ABHD5: variants seen among roughly 807,000 people sequenced by gnomAD.
ABHD5 encodes abhydrolase domain containing 5, lysophosphatidic acid acyltransferase.
ABHD5 carries 30 observed loss-of-function variants against 44.9 expected under a neutral mutation model. The ratio of observed to expected loss-of-function variants is 0.67; its 90% CI spans 0.50 to 0.91. The LOEUF (loss-of-function observed/expected upper bound fraction) is 0.91. Ranked by LOEUF, ABHD5 falls within the 40% of genes least tolerant of loss-of-function variation. ABHD5 has a pLI of 0.00. For missense variants in ABHD5, 399 were observed against 423.4 expected (o/e 0.94, Z 0.50); for synonymous variants, 167 against 147.0 (o/e 1.14, Z -0.99).
intron 5 of ABHD5, among the ~76,000 whole-genome samples, chr3:43,715,999 T>C (rs2084757639): frequency 6.6e-6 from 1 of 152,116 alleles, no homozygotes; most frequent in South Asian, 2.1e-4. Context: ...TCTGCATGTA[T>C]TTTGACAGTG....
rs555806468 is a variant in ABHD5, at chr3:43,721,498, A to G, written c.*2966A>G. ...TCCCAGCATTTTGGGAGGCTGAGGC[A>G]GAAGGACTGCTTGAGACCAGGAATT... On this transcript the variant is annotated 3_prime_UTR_variant, in exon 7 of 7. Coordinates refer to ENST00000644371, the MANE Select transcript of ABHD5 (RefSeq NM_016006.6). The G allele has an allele frequency of 1.3e-5, 2 of 151,740 alleles. No homozygotes were observed. The highest frequency in any genetic ancestry group is 4.8e-5 in the African/African-American group (2 of 41,366). 9.4% of individuals were successfully genotyped at this position (151,740 alleles called of 1,614,324 possible). A position where few individuals can be genotyped will look rare whatever the true frequency, so the allele number is the denominator to read the frequency against.
At chr3:43,711,044 T>A (rs1184571712) in intron 3 of ABHD5, among the ~76,000 whole-genome samples, 1 of 152,222 alleles carries the variant, frequency 6.6e-6, no homozygotes, top group Non-Finnish European at 1.5e-5. Context: ...GGGAAAGAAT[T>A]GAAAACAGAA....
At chr3:43,723,000 A>G (rs1000938229), downstream of ABHD5, among the ~76,000 whole-genome samples, 8 of 152,192 alleles carry the variant, frequency 5.3e-5, 1 homozygote, top group Admixed American at 3.9e-4. Context: ...AAATGGGGGC[A>G]GGCAAAGGAC....
chr3:43,696,344 G>T (rs534240885), intron 1 of ABHD5, among the ~76,000 whole-genome samples: 29 of 152,192 alleles, frequency 1.9e-4, no homozygotes, highest in Non-Finnish European at 3.5e-4. Flanking sequence ...TAGGTGGGCT[G>T]TGTGAATTTA....
intron 5 of ABHD5, among the ~76,000 whole-genome samples, chr3:43,716,651 T>A (rs1306741206): frequency 6.6e-6 from 1 of 152,170 alleles, no homozygotes; most frequent in African/African-American, 2.4e-5. Context: ...GTTTTGTGAA[T>A]TGCTAGGCAG....
At position 43,721,245 on chromosome 3, in the gene ABHD5, A is replaced by AT. The variant is rs1253128018; in HGVS notation, c.*2713_*2714insT. On this transcript the variant is annotated 3_prime_UTR_variant, in exon 7 of 7. Coordinates refer to ENST00000644371, the MANE Select transcript of ABHD5 (RefSeq NM_016006.6). The stretch of plus-strand genomic sequence containing the variant: ...GAAGTGTGGTTAACCATTTGGAAAA[A>AT]AAAATAAAATTGAATCGATTTCTCA... 2.6e-5 allele frequency: 4 copies of AT among 152,174 alleles called. No individual in the cohort carries two copies. Among genetic ancestry groups the AT allele is most frequent in the Non-Finnish European group, 5.9e-5 (4 of 68,024 alleles). The allele number at this position is 152,174 out of a possible 1,614,324, so 9.4% of individuals were successfully genotyped here.
chr3:43,703,416 T>C (rs2084570167), intron 3 of ABHD5, among the ~76,000 whole-genome samples: 1 of 152,132 alleles, frequency 6.6e-6, no homozygotes, highest in South Asian at 2.1e-4. Flanking sequence ...TGACCTCAAG[T>C]GATCCACCCC....
At position 43,715,369 on chromosome 3, in the gene ABHD5, G is replaced by C. The variant is rs142611509; in HGVS notation, c.773+311G>C. On this transcript the variant is annotated intron_variant, in intron 5 of 6. Coordinates refer to ENST00000644371, the MANE Select transcript of ABHD5 (RefSeq NM_016006.6). ...GTAGAGACGGGGTTTCTCCATGTTG[G>C]TCAGGCTGGTCTTGAACTTCTGACC... Among the ~76,000 whole-genome samples the C allele has an allele frequency of 2.6e-3, 396 of 152,144 alleles. 2 individuals are homozygous for C. Among genetic ancestry groups the C allele is most frequent in the African/African-American group, 9.3e-3 (386 of 41,496 alleles).
chr3:43,700,410 A>G (rs2084527281), intron 2 of ABHD5, among the ~76,000 whole-genome samples: 1 of 152,134 alleles, frequency 6.6e-6, no homozygotes, highest in Non-Finnish European at 1.5e-5. Context: ...AGGTAGTACC[A>G]TTCATATTCA....
chr3:43,734,122 A>T (rs909957312), exon 8 of ABHD5: 1 of 152,152 alleles, frequency 6.6e-6, no homozygotes, highest in Non-Finnish European at 1.5e-5. Context: ...TGGTGCAACT[A>T]CCCCCAACTG....
chr3:43,732,052 A>G (rs1231247909), intron 7 of ABHD5, among the ~76,000 whole-genome samples: 1 of 152,154 alleles, frequency 6.6e-6, no homozygotes, highest in East Asian at 1.9e-4. Flanking sequence ...GAGACAAAAC[A>G]AAAAATGATC....
At chr3:43,694,721 A>G (rs1345064860) in intron 1 of ABHD5, among the ~76,000 whole-genome samples, 2 of 151,332 alleles carry the variant, frequency 1.3e-5, no homozygotes, top group Non-Finnish European at 2.9e-5. Context: ...TTGGGGGGGG[A>G]GGGGCAGTTA....
At position 43,702,406 on chromosome 3, in the gene ABHD5, C is replaced by A; in HGVS notation, c.325C>A (p.Leu109Ile). Residue 109 changes from leucine to isoleucine, a missense_variant, in exon 3 of 7, where the codon CTA (leucine) becomes ATA (isoleucine). Physicochemically the swap from Leu to Ile is conservative, Grantham distance 5. Transcript: ENST00000644371. The part of the protein sequence containing the change: ...CTNRPVYAFD[L>I]LGFGRSSRPR... ...CAACAGACCTGTCTATGCTTTTGACCTATTGGGTTTTGGACGAAGTAGTAG... is the reference window on the plus strand; with the variant it reads ...CAACAGACCTGTCTATGCTTTTGACATATTGGGTTTTGGACGAAGTAGTAG... The A allele has an allele frequency of 6.2e-7, 1 of 1,614,178 alleles. No homozygotes were observed. The highest frequency in any genetic ancestry group is 8.5e-7 in the Non-Finnish European group (1 of 1,180,048).
Position 43,717,663 on chromosome 3 carries a change from C to T in ABHD5, c.774-8C>T, listed in dbSNP as rs374342059. 1.9e-5 allele frequency: 31 copies of T among 1,613,886 alleles called. No individual in the cohort carries two copies. Among genetic ancestry groups the T allele is most frequent in the Middle Eastern group, 1.6e-4 (1 of 6,084 alleles). On this transcript the variant is annotated splice_region_variant and splice_polypyrimidine_tract_variant and intron_variant, in intron 5 of 6. Transcript: ENST00000644371. ...TCATACATCGTGATTTTCTCCTTGCCGTTAAAGTGGTGAGACAGCTTTCAA... is the reference window on the plus strand; with the variant it reads ...TCATACATCGTGATTTTCTCCTTGCTGTTAAAGTGGTGAGACAGCTTTCAA...
At position 43,702,501 on chromosome 3, in the gene ABHD5, T is replaced by G. The variant is rs1177147827; in HGVS notation, c.420T>G (p.Cys140Trp). ...QFVESIEEWRCALGLDKMILL... is the reference protein window; with the variant it reads ...QFVESIEEWRWALGLDKMILL... ...TGGAATCCATTGAAGAGTGGAGATG[T>G]GCCCTAGGATTGGACAAAATGATCT... is the stretch of plus-strand genomic sequence containing the variant. The change falls in exon 3 of 7, where the codon TGT (cysteine) becomes TGG (tryptophan). Residue 140 changes from cysteine to tryptophan, a missense_variant. Transcript: ENST00000644371. The G allele has an allele frequency of 6.2e-7, 1 of 1,614,234 alleles. No individual in the cohort carries two copies. The highest frequency in any genetic ancestry group is 1.1e-5 in the South Asian group (1 of 91,086).
chr3:43,694,715 G>T (rs186642816), intron 1 of ABHD5, among the ~76,000 whole-genome samples: 3 of 151,986 alleles, frequency 2.0e-5, no homozygotes, highest in Admixed American at 6.6e-5. Context: ...TACAGGTTGG[G>T]GGGGGAGGGG....
intron 1 of ABHD5, among the ~76,000 whole-genome samples, chr3:43,698,699 A>G (rs758363363): frequency 6.6e-6 from 1 of 152,160 alleles, no homozygotes; most frequent in African/African-American, 2.4e-5. Context: ...TTGTACTTCT[A>G]TTAACAGTTA....
intron 7 of ABHD5, among the ~76,000 whole-genome samples, chr3:43,731,894 G>A (rs2084915228): frequency 6.6e-6 from 1 of 152,058 alleles, no homozygotes; most frequent in Non-Finnish European, 1.5e-5. Context: ...GATGGCAACT[G>A]CAGAGCATTA....
chr3:43,691,069 G>A (rs372983058), intron 1 of ABHD5, 30 bp downstream of exon 1: 5 of 1,526,122 alleles, frequency 3.3e-6, no homozygotes, highest in Non-Finnish European at 3.5e-6. Context: ...GGCTTCGTGT[G>A]TCTCCGGCGC....
Sources: gnomAD v4.1 joint callset for allele counts (sites outside exome capture counted in the v4.1 genomes callset) on GRCh38, gnomAD v4.1.1 for gene constraint, MANE v1.5 for transcripts, NCBI Gene and HGNC (gene_info 2026-07-23, HGNC 2026-07-21) for gene names.